Variants in RFX7 observed in about 807,000 individuals in gnomAD.
The protein encoded by RFX7 is regulatory factor X7, also known as DNA-binding protein RFX7.
In RFX7, 26 loss-of-function variants were observed where a neutral mutation model predicts 111.8. That is an observed-to-expected ratio of 0.23 (90% CI 0.17 to 0.32). The LOEUF is 0.32. Ranked by LOEUF, RFX7 falls within the 10% of genes least tolerant of loss-of-function variation. RFX7 has a pLI of 1.00. For synonymous variants in RFX7, 624 were observed against 624.4 expected (o/e 1.00, Z 0.01); for missense variants, 1,573 against 1,772.9 (o/e 0.89, Z 2.02).
In RFX7 at chr15:56,101,550, G is replaced by T; in HGVS notation, c.620C>A (p.Pro207His). Residue 207 changes from proline (P) to histidine (H), a missense_variant, in exon 8 of 10, where the codon CCT becomes CAT. Pro to His is a moderately conservative substitution (Grantham distance 77). This residue lies in a region of RFX7 where 288 missense variants were observed against 337.9 expected (regional missense o/e 0.85). Transcript: ENST00000559447. ...ATCAATATTTTGAAGCTGCCCAGAA[G>T]GTTCAGCTCCTTCCAACTAGGCAAA... ...KTGDGLEGAE[P>H]SGQLQNIDEE... The T allele has an allele frequency of 6.2e-7, 1 of 1,613,586 alleles. No homozygotes were observed.
intron 5 of RFX7, among the ~76,000 whole-genome samples, chr15:56,108,898 C>T (rs545044239): frequency 4.6e-5 from 7 of 152,264 alleles, no homozygotes; most frequent in African/African-American, 1.7e-4. Context: ...TCCTATACAT[C>T]AATAGACAAG....
chr15:56,155,121 AAAC>A (rs1254103566), intron 3 of RFX7, among the ~76,000 whole-genome samples: 3 of 152,204 alleles, frequency 2.0e-5, no homozygotes, highest in Non-Finnish European at 4.4e-5. Flanking sequence ...AAAAGTCAGG[AAAC>A]AACAGATTCT....
intron 2 of RFX7, among the ~76,000 whole-genome samples, chr15:56,211,740 G>A (rs958113666): frequency 9.2e-5 from 14 of 152,156 alleles, no homozygotes; most frequent in East Asian, 5.8e-4. Flanking sequence ...ATACTTCACC[G>A]AAGATGTACA....
At chr15:56,226,809 T>C (rs1429696002) in intron 2 of RFX7, among the ~76,000 whole-genome samples, 1 of 152,124 alleles carries the variant, frequency 6.6e-6, no homozygotes, top group Admixed American at 6.5e-5. Flanking sequence ...AAGCTATAAA[T>C]AGCTGAAACC....
chr15:56,192,544 A>T (rs1238870273), intron 2 of RFX7: 1 of 161,092 alleles, frequency 6.2e-6, no homozygotes, highest in African/African-American at 2.4e-5. Flanking sequence ...CTGGCTCCTA[A>T]CTACATAGCA....
At chr15:56,175,102 A>G (rs1316516838) in intron 3 of RFX7, among the ~76,000 whole-genome samples, 3 of 152,222 alleles carry the variant, frequency 2.0e-5, no homozygotes, top group Admixed American at 2.0e-4. Flanking sequence ...TAGATTTAAT[A>G]GGTGAATGTA....
intron 9 of RFX7, 35 bp from the exon 10 acceptor site, chr15:56,096,655 G>A (rs769414515): frequency 1.3e-6 from 2 of 1,519,200 alleles, no homozygotes; most frequent in Non-Finnish European, 1.8e-6. Flanking sequence ...GATTTAACAG[G>A]TCTAGCCTGT....
intron 5 of RFX7, among the ~76,000 whole-genome samples, chr15:56,126,437 A>G (rs964612812): frequency 2.6e-5 from 4 of 152,204 alleles, no homozygotes; most frequent in Non-Finnish European, 4.4e-5. Flanking sequence ...ATCACAAACA[A>G]TTGTCATTAT....
chr15:56,178,126 T>A (rs1196919585), intron 3 of RFX7, among the ~76,000 whole-genome samples: 2 of 144,718 alleles, frequency 1.4e-5, no homozygotes, highest in Non-Finnish European at 3.0e-5. Context: ...CTTCAGAGGA[T>A]TATTATAAGA....
At position 56,179,254 on chromosome 15, in the gene RFX7, T is replaced by G. The variant is rs200860848; in HGVS notation, c.195+16A>C. ...CCTTATTGCAAAAGGATTTTAATAT[T>G]AGTTATTTCACTTACCAAAATGCAG... On this transcript the variant is annotated intron_variant, in intron 3 of 9. Transcript: ENST00000559447. 1,965 of 1,218,810 alleles carry G rather than the reference T, an allele frequency of 1.6e-3. 6 individuals are homozygous for G. Among genetic ancestry groups the G allele is most frequent in the Non-Finnish European group, 2.0e-3 (1,846 of 915,096 alleles). The allele number at this position is 1,218,810 out of a possible 1,614,324, so 75.5% of individuals were successfully genotyped here. A position where few individuals can be genotyped will look rare whatever the true frequency, so the allele number is the denominator to read the frequency against.
chr15:56,163,866 A>G (rs1002467925), intron 3 of RFX7, among the ~76,000 whole-genome samples: 5 of 152,218 alleles, frequency 3.3e-5, no homozygotes, highest in African/African-American at 1.2e-4. Context: ...ATCTATCCTC[A>G]TATGTACCAT....
intron 2 of RFX7, among the ~76,000 whole-genome samples, chr15:56,209,787 A>C (rs529953549): frequency 6.6e-6 from 1 of 151,990 alleles, no homozygotes; most frequent in East Asian, 1.9e-4. Context: ...TGAAAACTCT[A>C]GGGCAAACAC....
chr15:56,178,277 ATTAGG>A (rs1347935664), intron 3 of RFX7, among the ~76,000 whole-genome samples: 1 of 151,994 alleles, frequency 6.6e-6, no homozygotes, highest in African/African-American at 2.4e-5. Context: ...TTAGCTAGCT[ATTAGG>A]TTAGAAAAGT....
At chr15:56,143,172 A>T (rs1327393315) in intron 4 of RFX7, among the ~76,000 whole-genome samples, 1 of 152,108 alleles carries the variant, frequency 6.6e-6, no homozygotes, top group African/African-American at 2.4e-5. Flanking sequence ...ATCACCTTTA[A>T]GTGGGTATCT....
At chr15:56,238,703 T>C (rs2043651475) in intron 2 of RFX7, among the ~76,000 whole-genome samples, 2 of 152,240 alleles carry the variant, frequency 1.3e-5, no homozygotes, top group South Asian at 4.1e-4. Context: ...AAATGCAGTA[T>C]TGGAATATTT....
At chr15:56,195,682 T>C (rs2043140959) in intron 2 of RFX7, among the ~76,000 whole-genome samples, 1 of 152,178 alleles carries the variant, frequency 6.6e-6, no homozygotes, top group Non-Finnish European at 1.5e-5. Flanking sequence ...ATCAAATGCA[T>C]TATAAGATGT....
intron 2 of RFX7, among the ~76,000 whole-genome samples, chr15:56,206,957 T>C (rs2043260137): frequency 6.6e-6 from 1 of 151,464 alleles, no homozygotes; most frequent in Non-Finnish European, 1.5e-5. Context: ...CACAACAGGG[T>C]GATTACAGTA....
chr15:56,174,293 A>T (rs2042877515), intron 3 of RFX7, among the ~76,000 whole-genome samples: 1 of 152,152 alleles, frequency 6.6e-6, no homozygotes, highest in Non-Finnish European at 1.5e-5. Context: ...AAAACCCAAA[A>T]AGTTGAATTT....
At chr15:56,143,702 A>G (rs952528003) in intron 4 of RFX7, among the ~76,000 whole-genome samples, 2 of 152,204 alleles carry the variant, frequency 1.3e-5, no homozygotes, top group Non-Finnish European at 2.9e-5. Context: ...ACATAACATG[A>G]TTAAAACAGT....
Sources: allele counts gnomAD v4.1 joint callset (sites outside exome capture counted in the v4.1 genomes callset), GRCh38; gene constraint gnomAD v4.1.1; regional missense constraint gnomAD v4.1.1; transcripts MANE v1.5; gene names NCBI Gene and HGNC (gene_info 2026-07-23, HGNC 2026-07-21).